ALOXE3: variants seen among roughly 807,000 people sequenced by gnomAD.
ALOXE3 encodes the protein hydroperoxide isomerase ALOXE3.
Under a neutral mutation model 87.5 loss-of-function variants are expected in ALOXE3, and 78 were observed. The observed-to-expected ratio is 0.89, with a 90% CI of 0.74 to 1.08. The LOEUF (loss-of-function observed/expected upper bound fraction) is 1.08. Ranked by LOEUF, ALOXE3 falls within the 50% of genes least tolerant of loss-of-function variation. The pLI is 0.00. For synonymous variants in ALOXE3, 363 were observed against 370.8 expected (o/e 0.98, Z 0.24); for missense variants, 946 against 912.4 (o/e 1.04, Z -0.47).
intron 3 of ALOXE3, among the ~76,000 whole-genome samples, 174 bp from the exon 4 acceptor site, chr17:8,115,862 G>A (rs1412508806): frequency 6.6e-6 from 1 of 152,220 alleles, no homozygotes; most frequent in Non-Finnish European, 1.5e-5. Context: ...ATTCAAGACA[G>A]CTTCACCCCC....
intron 7 of ALOXE3, among the ~76,000 whole-genome samples, chr17:8,111,884 TC>T (rs1222177921): frequency 6.6e-5 from 10 of 152,076 alleles, no homozygotes; most frequent in African/African-American, 2.4e-4. Context: ...CTCTCCTGAA[TC>T]CCCTGTTTTT....
At position 8,097,834 on chromosome 17, in the gene ALOXE3, A is replaced by G. The variant is rs181307908; in HGVS notation, c.1957-1028T>C. On this transcript the variant is annotated intron_variant, in intron 15 of 15. Coordinates refer to ENST00000448843, the MANE Select transcript of ALOXE3 (RefSeq NM_021628.3). ...GCGATCTCGGCTCACTGCAAGCTCT[A>G]CCTCCCGGGTTCACGCTATTCTCCT... 6.5e-3 allele frequency among the ~76,000 whole-genome samples: 931 copies of G among 143,892 alleles called. 11 individuals are homozygous for G. Among genetic ancestry groups the G allele is most frequent in the African/African-American group, 0.022 (857 of 38,402 alleles). The allele number at this position is 143,892 out of a possible 152,430, so 94.4% of individuals were successfully genotyped here.
chr17:8,103,239 T>TC, intron 15 of ALOXE3, 84 bp downstream of exon 15: 1 of 1,513,424 alleles, frequency 6.6e-7, no homozygotes, highest in South Asian at 1.1e-5. Context: ...CGTCGATCAG[T>TC]CCTCAAGCCC....
chr17:8,115,499 C>A, intron 4 of ALOXE3, 108 bp downstream of exon 4: 1 of 1,204,470 alleles, frequency 8.3e-7, no homozygotes, highest in Non-Finnish European at 1.2e-6. Context: ...GAGTCCTGAT[C>A]CAAGCTAGGC....
rs567552969 is a variant in ALOXE3 at position 8,111,688 on chromosome 17, G to C, written c.785-157C>G. Among the ~76,000 whole-genome samples the C allele has an allele frequency of 5.3e-5, 8 of 152,288 alleles. No homozygotes were observed. In the South Asian group the frequency reaches 1.7e-3, roughly 32 times the overall value. On this transcript the variant is annotated intron_variant, in intron 7 of 15. Transcript: ENST00000448843. ...CTTCAATTTAATACTAGACACTAAG[G>C]GTCAGAGAGATGGAGTGACTTGCAC...
chr17:8,118,612 T>A, upstream of ALOXE3: 8 of 1,533,260 alleles, frequency 5.2e-6, no homozygotes, highest in Non-Finnish European at 7.0e-6. Flanking sequence ...ACATGTCAAA[T>A]GGTCAGGAAC....
intron 15 of ALOXE3, among the ~76,000 whole-genome samples, chr17:8,099,022 C>CTT (rs751705010): frequency 0.29 from 36,592 of 126,492 alleles, 5,980 homozygotes; most frequent in East Asian, 0.61. Flanking sequence ...GGCTAGTTTT[C>CTT]TTTTTTTTTT....
chr17:8,097,322 T>C (rs959323783), intron 15 of ALOXE3, among the ~76,000 whole-genome samples: 1 of 152,116 alleles, frequency 6.6e-6, no homozygotes, highest in Non-Finnish European at 1.5e-5. Context: ...CTTTCATACC[T>C]GATCCAACTG....
upstream of ALOXE3, chr17:8,118,539 C>T: frequency 6.5e-7 from 1 of 1,529,004 alleles, no homozygotes; most frequent in Non-Finnish European, 8.8e-7. Context: ...TGGAGAGTTG[C>T]ACTTGGTCAT....
chr17:8,096,946 A>G, intron 15 of ALOXE3, 140 bp from the exon 16 acceptor site: 1 of 972,116 alleles, frequency 1.0e-6, no homozygotes. Context: ...CACTTGCCCC[A>G]AACTGCCACC....
At chr17:8,111,123 C>T (rs981727574) in intron 8 of ALOXE3, among the ~76,000 whole-genome samples, 4 of 152,206 alleles carry the variant, frequency 2.6e-5, no homozygotes, top group East Asian at 1.9e-4. Flanking sequence ...CCACCCTGCG[C>T]GTTCACACCA....
At chr17:8,109,677 G>T (rs1979842431) in intron 11 of ALOXE3, among the ~76,000 whole-genome samples, 1 of 151,360 alleles carries the variant, frequency 6.6e-6, no homozygotes, top group Non-Finnish European at 1.5e-5. Flanking sequence ...GGCTGGGGGC[G>T]GTGGGCGGGG....
rs1017262034 is a variant in ALOXE3, at chr17:8,109,988, G to T, written c.1320C>A (p.His440Gln). ...TGTTCACCTGCAGCGTGTATCGAGTGTGGGGGAGTAGGAGCTGCGAGCGGA... is the reference window on the plus strand; with the variant it reads ...TGTTCACCTGCAGCGTGTATCGAGTTTGGGGGAGTAGGAGCTGCGAGCGGA... Reference protein sequence around the residue: ...CHPIYKLLLPHTRYTLQVNTI... With the variant: ...CHPIYKLLLPQTRYTLQVNTI... Residue 440 changes from histidine (H) to glutamine (Q), a missense_variant, in exon 11 of 16, where the codon CAC becomes CAA. Coordinates refer to ENST00000448843, the MANE Select transcript of ALOXE3 (RefSeq NM_021628.3). The T allele has an allele frequency of 6.4e-7, 1 of 1,553,570 alleles. No individual in the cohort carries two copies. Among genetic ancestry groups the T allele is most frequent in the African/African-American group, 1.4e-5 (1 of 73,238 alleles).
rs537109560 is a variant in ALOXE3 at position 8,107,578 on chromosome 17, T to A, written c.1684+890A>T. ...ACTTTGGGAGGCTGAGGCGGGCGGA[T>A]CATGAGGTCAGGAGATCGAGACCAT... On this transcript the variant is annotated intron_variant, in intron 13 of 15. Coordinates refer to ENST00000448843, the MANE Select transcript of ALOXE3 (RefSeq NM_021628.3). Among the ~76,000 whole-genome samples, 10 of 151,484 alleles carry A rather than the reference T, an allele frequency of 6.6e-5. No individual in the cohort carries two copies. The East Asian group carries it at 2.0e-3, about 30-fold the overall frequency.
intron 8 of ALOXE3, among the ~76,000 whole-genome samples, chr17:8,110,862 T>G (rs527991767): frequency 6.6e-5 from 10 of 152,294 alleles, no homozygotes; most frequent in African/African-American, 2.4e-4. Flanking sequence ...AACAGCTAAA[T>G]GAACACATGA....
In ALOXE3 at chr17:8,110,509, G is replaced by T; in HGVS notation, c.977C>A (p.Ala326Glu). 2 of 1,613,940 alleles carry T rather than the reference G, an allele frequency of 1.2e-6. No homozygotes were observed. The highest frequency in any genetic ancestry group is 1.1e-5 in the South Asian group (1 of 91,078). ...TELERGNIFL[A>E]DYWILAEAPT... Reference sequence around the variant, plus strand: ...GGCCTCCGCCAGGATCCAGTAGTCCGCTAGGAAGATGTTCCCCCTCTGCAG... The same window carrying T: ...GGCCTCCGCCAGGATCCAGTAGTCCTCTAGGAAGATGTTCCCCCTCTGCAG... Residue 326 changes from alanine to glutamate, a missense_variant, in exon 9 of 16, where the codon GCG becomes GAG. Coordinates refer to ENST00000448843, the MANE Select transcript of ALOXE3 (RefSeq NM_021628.3).
Position 8,109,411 on chromosome 17 carries a change from G to A in ALOXE3, c.1393-68C>T. The A allele has an allele frequency of 1.9e-6, 3 of 1,587,522 alleles. No homozygotes were observed. The South Asian group carries it at 3.4e-5, about 18-fold the overall frequency. On this transcript the variant is annotated intron_variant, in intron 11 of 15. Transcript: ENST00000448843. ...CCACCCTAGTGTCTGGGCACGAGATGGGGCTGGGGACTCGGCCCAAGGAGG... is the reference window on the plus strand; with the variant it reads ...CCACCCTAGTGTCTGGGCACGAGATAGGGCTGGGGACTCGGCCCAAGGAGG...
chr17:8,098,380 C>T (rs530594516), intron 15 of ALOXE3, among the ~76,000 whole-genome samples: 1 of 151,650 alleles, frequency 6.6e-6, no homozygotes, highest in South Asian at 2.1e-4. Context: ...GCTGGGATTA[C>T]AGGTAGCCAC....
intron 13 of ALOXE3, among the ~76,000 whole-genome samples, chr17:8,104,440 A>G (rs1979143051): frequency 6.6e-6 from 1 of 152,164 alleles, no homozygotes; most frequent in Non-Finnish European, 1.5e-5. Flanking sequence ...AATCCCCGGC[A>G]GGCAGGGCCA....
Sources: gnomAD v4.1 joint callset for allele counts (sites outside exome capture counted in the v4.1 genomes callset) on GRCh38, gnomAD v4.1.1 for gene constraint, MANE v1.5 for transcripts, NCBI Gene and HGNC (gene_info 2026-07-23, HGNC 2026-07-21) for gene names.